MYO3B: variants seen among roughly 807,000 people sequenced by gnomAD.
The protein encoded by MYO3B is myosin-IIIb.
Under a neutral mutation model 174.6 loss-of-function variants are expected in MYO3B, and 156 were observed. The observed-to-expected ratio is 0.89, with a 90% CI of 0.78 to 1.02. The LOEUF is 1.02. Among genes scored for constraint, MYO3B ranks in the 50% least tolerant of loss-of-function variants. The probability of loss-of-function intolerance (pLI) is 0.00; values close to 1 mark genes in which losing one functional copy is unlikely to be tolerated. For synonymous variants in MYO3B, 563 were observed against 569.1 expected, an observed-to-expected ratio of 0.99 and a Z score of 0.15; for missense variants, 1,632 against 1,639.4, an observed-to-expected ratio of 1.00 and a Z score of 0.08.
At chr2:170,525,612 A>G (rs1195132423) in intron 30 of MYO3B, among the ~76,000 whole-genome samples, 1 of 152,156 alleles carries the variant, frequency 6.6e-6, no homozygotes, top group African/African-American at 2.4e-5. Context: ...TTCAATGAGG[A>G]TTCAGATTCA....
intron 1 of MYO3B, among the ~76,000 whole-genome samples, chr2:170,189,130 G>A (rs549935077): frequency 6.6e-6 from 1 of 152,150 alleles, no homozygotes; most frequent in South Asian, 2.1e-4. Flanking sequence ...ACTACTCTAG[G>A]ATAAAAGTTT....
At chr2:170,343,270 A>T (rs569026722) in intron 8 of MYO3B, among the ~76,000 whole-genome samples, 103 of 152,202 alleles carry the variant, frequency 6.8e-4, no homozygotes, top group African/African-American at 2.2e-3. Context: ...CTGTCTCTAC[A>T]AAAAATTTAA....
At chr2:170,403,156 G>A (rs1193365274) in intron 19 of MYO3B, among the ~76,000 whole-genome samples, 161 bp downstream of exon 19, 1 of 152,162 alleles carries the variant, frequency 6.6e-6, no homozygotes, top group African/African-American at 2.4e-5. Flanking sequence ...GTCTGGAAAA[G>A]GTCTCGATTT....
chr2:170,302,409 G>C (rs2093671678), intron 7 of MYO3B, among the ~76,000 whole-genome samples: 2 of 152,150 alleles, frequency 1.3e-5, no homozygotes. Flanking sequence ...TTCTGTAATT[G>C]AAATGACCAG....
rs1021877302 is a variant in MYO3B at position 170,404,544 on chromosome 2, TTGAAG to T, written c.2431+147_2431+151del. On this transcript the variant is annotated intron_variant, in intron 20 of 34. Coordinates refer to ENST00000408978, the MANE Select transcript of MYO3B (RefSeq NM_138995.5). ...AATATAGGCCTTCTTTTTCATTGAATTGAAGTGTTGTGGTAGAATTTGAATGTTAA... is the reference window on the plus strand; with the variant it reads ...AATATAGGCCTTCTTTTTCATTGAATTGTTGTGGTAGAATTTGAATGTTAA... The T allele has an allele frequency of 6.2e-5, 48 of 775,028 alleles. No homozygotes were observed. In the African/African-American group the frequency reaches 7.7e-4, roughly 12 times the overall value. The allele number at this position is 775,028 out of a possible 1,614,324, so 48.0% of individuals were successfully genotyped here.
chr2:170,443,825 T>C (rs890134413), intron 22 of MYO3B, 142 bp from the exon 23 acceptor site: 3 of 363,528 alleles, frequency 8.3e-6, no homozygotes, highest in African/African-American at 6.3e-5. Flanking sequence ...CATCAAAGTG[T>C]CAAAATTTTC....
chr2:170,191,237 C>A (rs2092536594), intron 1 of MYO3B, among the ~76,000 whole-genome samples: 1 of 151,794 alleles, frequency 6.6e-6, no homozygotes, highest in Non-Finnish European at 1.5e-5. Context: ...CTTCCCTCTC[C>A]TCTCCTCAAG....
intron 22 of MYO3B, among the ~76,000 whole-genome samples, chr2:170,409,552 T>A (rs2094532602): frequency 6.6e-6 from 1 of 152,242 alleles, no homozygotes; most frequent in Non-Finnish European, 1.5e-5. Context: ...TCTCCACATT[T>A]TGAGTATAGT....
intron 25 of MYO3B, among the ~76,000 whole-genome samples, chr2:170,478,071 G>A (rs1349456192): frequency 1.3e-5 from 2 of 152,126 alleles, no homozygotes; most frequent in Non-Finnish European, 2.9e-5. Flanking sequence ...AGGCAGCCAC[G>A]TCTCTACTAT....
chr2:170,621,348 C>A lies in MYO3B; in HGVS notation c.3734-30280C>A, dbSNP rs557451487. Among the ~76,000 whole-genome samples, 108 of 152,180 alleles carry A rather than the reference C, an allele frequency of 7.1e-4. 2 individuals are homozygous for A. The South Asian group carries it at 0.022, about 32-fold the overall frequency. ...TGGAGTATCTGGTACATAGTAAGGG[C>A]TCAATAAATTATTATGACACCCTTC... On this transcript the variant is annotated intron_variant, in intron 32 of 34. Transcript: ENST00000408978.
At chr2:170,427,864 A>G (rs2094677441) in intron 22 of MYO3B, among the ~76,000 whole-genome samples, 1 of 152,032 alleles carries the variant, frequency 6.6e-6, no homozygotes, top group Non-Finnish European at 1.5e-5. Flanking sequence ...ACCCAATAGG[A>G]AAAAAAAGCT....
intron 29 of MYO3B, among the ~76,000 whole-genome samples, chr2:170,516,602 C>T (rs1349843893): frequency 6.7e-6 from 1 of 149,464 alleles, no homozygotes; most frequent in Non-Finnish European, 1.5e-5. Context: ...GAGATCGCGC[C>T]ACTGAACTAC....
At chr2:170,597,509 C>A (rs190164996) in intron 32 of MYO3B, among the ~76,000 whole-genome samples, 29 of 152,236 alleles carry the variant, frequency 1.9e-4, no homozygotes, top group African/African-American at 5.5e-4. Context: ...TCCAGAGTAC[C>A]CCTGGATCCT....
chr2:170,550,515 A>G (rs1402487879), intron 32 of MYO3B, among the ~76,000 whole-genome samples: 1 of 152,212 alleles, frequency 6.6e-6, no homozygotes, highest in Non-Finnish European at 1.5e-5. Flanking sequence ...TGCTCTGGAC[A>G]TTACCTATCT....
chr2:170,626,650 C>T (rs894095809), intron 32 of MYO3B, among the ~76,000 whole-genome samples: 2 of 152,014 alleles, frequency 1.3e-5, no homozygotes, highest in Non-Finnish European at 2.9e-5. Context: ...GATAGATGGT[C>T]TTTACAATTT....
In MYO3B at chr2:170,202,781, C is replaced by CA. The variant is rs769735126; in HGVS notation, c.321+2504dup. 5.7e-4 allele frequency among the ~76,000 whole-genome samples: 87 copies of CA among 152,142 alleles called. 1 individual carries two copies. Among genetic ancestry groups the CA allele is most frequent in the Non-Finnish European group, 9.4e-4 (64 of 67,986 alleles). On this transcript the variant is annotated intron_variant, in intron 3 of 34. Coordinates refer to ENST00000408978, the MANE Select transcript of MYO3B (RefSeq NM_138995.5). The stretch of plus-strand genomic sequence containing the variant: ...TAAGGCATGCTTTAGGGGACTCACA[C>CA]AAAAAAATTATCTGTTTAATACTGT...
At chr2:170,242,179 C>T (rs1056182826) in intron 7 of MYO3B, among the ~76,000 whole-genome samples, 17 of 152,128 alleles carry the variant, frequency 1.1e-4, no homozygotes, top group African/African-American at 3.6e-4. Flanking sequence ...TGAATCCCCA[C>T]GATCCAAGCT....
intron 32 of MYO3B, among the ~76,000 whole-genome samples, chr2:170,546,607 A>G (rs1378842541): frequency 6.6e-6 from 1 of 152,260 alleles, no homozygotes; most frequent in Non-Finnish European, 1.5e-5. Flanking sequence ...ACTATATGTA[A>G]ATCGAATTCC....
intron 32 of MYO3B, among the ~76,000 whole-genome samples, chr2:170,608,402 C>T (rs1694944627): frequency 6.6e-6 from 1 of 152,162 alleles, no homozygotes; most frequent in Non-Finnish European, 1.5e-5. Flanking sequence ...AAGGATGGTG[C>T]TTTGTAAGCA....
Sources: allele counts gnomAD v4.1 joint callset (sites outside exome capture counted in the v4.1 genomes callset), GRCh38; gene constraint gnomAD v4.1.1; transcripts MANE v1.5; gene names NCBI Gene and HGNC (gene_info 2026-07-23, HGNC 2026-07-21).